Variants in GET4 observed in about 807,000 individuals in gnomAD.
GET4 encodes the protein guided entry of tail-anchored proteins factor 4, also known as Golgi to ER traffic protein 4 homolog.
In GET4, 20 loss-of-function variants were observed where a neutral mutation model predicts 40.0. The observed-to-expected ratio is 0.50, with a 90% CI of 0.35 to 0.73. The LOEUF (loss-of-function observed/expected upper bound fraction) is 0.73, where lower values mean the gene tolerates loss of function less well. GET4 is among the 30% of genes least tolerant of loss of function. GET4 has a pLI of 0.01. For synonymous variants in GET4, 280 were observed against 194.6 expected, an observed-to-expected ratio of 1.44 and a Z score of -3.65; for missense variants, 557 against 454.0, an observed-to-expected ratio of 1.23 and a Z score of -2.06.
intron 6 of GET4, among the ~76,000 whole-genome samples, chr7:892,853 G>A (rs1844359956): frequency 6.6e-6 from 1 of 151,606 alleles, no homozygotes; most frequent in South Asian, 2.1e-4. Flanking sequence ...GGTGTGGGTA[G>A]TTGGGGTGCG....
chr7:878,053 G>A (rs888170872), intron 1 of GET4: 1 of 317,004 alleles, frequency 3.2e-6, no homozygotes, highest in Admixed American at 3.9e-5. Context: ...CGAGGGTCCA[G>A]GCTGAGGGTG....
At position 893,964 on chromosome 7, in the gene GET4, C is replaced by CCT; in HGVS notation, c.889_890dup (p.Leu298CysfsTer6). On this transcript the variant is annotated frameshift_variant, in exon 8 of 9. Coordinates refer to ENST00000265857, the MANE Select transcript of GET4 (RefSeq NM_015949.3). LOFTEE classifies it high-confidence loss of function. ...CCAAGCAGACGTCTTCCTACGGGGG[C>CCT]CTGCTCGGTAAGCCGGGGCGCCCTT... The CCT allele has an allele frequency of 6.3e-7, 1 of 1,595,708 alleles. No homozygotes were observed. The highest frequency in any genetic ancestry group is 8.6e-7 in the Non-Finnish European group (1 of 1,169,206).
At chr7:880,450 C>T (rs1844061678) in intron 1 of GET4, 1 of 152,246 alleles carries the variant, frequency 6.6e-6, no homozygotes, top group Non-Finnish European at 1.5e-5. Context: ...AGGGATTTGT[C>T]AGTTTTGGTT....
intron 8 of GET4, among the ~76,000 whole-genome samples, chr7:894,194 C>T (rs1372347591): frequency 6.6e-6 from 1 of 151,686 alleles, no homozygotes; most frequent in Non-Finnish European, 1.5e-5. Flanking sequence ...GCTCCCCATC[C>T]CTGAGGTGTC....
chr7:890,410 T>C lies in GET4; in HGVS notation c.467-518T>C, dbSNP rs1285699492. On this transcript the variant is annotated intron_variant, in intron 4 of 8. Transcript: ENST00000265857. ...GAGTGGAGGGAGTGTGAGCGGGTGT[T>C]AGGACGGGCCTGGGAGTGGAGGGAG... is the stretch of plus-strand genomic sequence containing the variant. Among the ~76,000 whole-genome samples, 24 of 91,528 alleles carry C rather than the reference T, an allele frequency of 2.6e-4. 3 individuals are homozygous for C. The highest frequency in any genetic ancestry group is 3.9e-4 in the African/African-American group (9 of 22,956). The allele number at this position is 91,528 out of a possible 152,430, so 60.0% of individuals were successfully genotyped here.
At chr7:886,401 G>A (rs754867686) in intron 2 of GET4, 168 bp from the exon 3 acceptor site, 23 of 631,872 alleles carry the variant, frequency 3.6e-5, no homozygotes, top group African/African-American at 1.1e-4. Flanking sequence ...TGTGATTCTC[G>A]GCCAGGAGCT....
At chr7:878,363 A>C (rs972275684) in intron 1 of GET4, 4 of 470,992 alleles carry the variant, frequency 8.5e-6, no homozygotes, top group Admixed American at 2.3e-5. Flanking sequence ...ATATCAGATT[A>C]TCTCTTATGG....
Position 895,441 on chromosome 7 carries a change from A to C in GET4, c.*19A>C. ...GGACTGAACTGGCCAGGCCACGTGG[A>C]GACACCACGGTCGACGACGGCTGGA... is the stretch of plus-strand genomic sequence containing the variant. On this transcript the variant is annotated 3_prime_UTR_variant, in exon 9 of 9. Coordinates refer to ENST00000265857, the MANE Select transcript of GET4 (RefSeq NM_015949.3). The C allele has an allele frequency of 2.9e-6, 4 of 1,372,706 alleles. No individual in the cohort carries two copies. Among genetic ancestry groups the C allele is most frequent in the Non-Finnish European group, 4.1e-6 (4 of 967,454 alleles). The allele number at this position is 1,372,706 out of a possible 1,614,324, so 85.0% of individuals were successfully genotyped here.
At chr7:877,234 T>A (rs1406893864) in intron 1 of GET4, among the ~76,000 whole-genome samples, 2 of 149,122 alleles carry the variant, frequency 1.3e-5, no homozygotes, top group South Asian at 4.3e-4. Flanking sequence ...GCCTTCTCCT[T>A]CTTCCTTTGC....
chr7:879,191 C>G (rs1401710792), intron 1 of GET4, among the ~76,000 whole-genome samples: 3 of 152,240 alleles, frequency 2.0e-5, no homozygotes, highest in Admixed American at 6.5e-5. Context: ...TTGTAGTTTG[C>G]TAGTTCATGT....
At chr7:883,424 C>A (rs1040620909) in intron 1 of GET4, 12 of 735,122 alleles carry the variant, frequency 1.6e-5, no homozygotes, top group Non-Finnish European at 2.0e-5. Flanking sequence ...TTGACACCGA[C>A]AGTCTCGGCC....
At chr7:883,471 T>G in intron 1 of GET4, 2 of 980,424 alleles carry the variant, frequency 2.0e-6, no homozygotes, top group Non-Finnish European at 2.4e-6. Context: ...GTTCTGCTTT[T>G]TAATGTTTTT....
At chr7:881,542 T>A (rs1440394251) in intron 1 of GET4, 2 of 152,248 alleles carry the variant, frequency 1.3e-5, no homozygotes, top group African/African-American at 4.8e-5. Context: ...TCCCTGTGTG[T>A]CTCCAGCACA....
intron 1 of GET4, chr7:882,253 C>G (rs139399495): frequency 3.3e-5 from 5 of 152,350 alleles, no homozygotes; most frequent in East Asian, 3.9e-4. Flanking sequence ...TGCCAGACTG[C>G]TTTCCAGGAT....
chr7:888,182 C>T (rs1480143475), intron 4 of GET4, among the ~76,000 whole-genome samples: 1 of 152,140 alleles, frequency 6.6e-6, no homozygotes, highest in Non-Finnish European at 1.5e-5. Context: ...GGAGGCGGCA[C>T]CCAGGGCAGC....
At chr7:888,257 T>C (rs1168227462) in intron 4 of GET4, among the ~76,000 whole-genome samples, 1 of 152,212 alleles carries the variant, frequency 6.6e-6, no homozygotes. Context: ...AGTTCCGGAT[T>C]GCTGAGCTTG....
intron 6 of GET4, among the ~76,000 whole-genome samples, chr7:893,269 G>A (rs1333504071): frequency 3.1e-5 from 4 of 128,612 alleles, no homozygotes; most frequent in Admixed American, 7.9e-5. Context: ...GCGCGGGCGC[G>A]GTGGTGTGTG....
chr7:888,165 C>T (rs992566633), intron 4 of GET4, among the ~76,000 whole-genome samples: 2 of 152,090 alleles, frequency 1.3e-5, no homozygotes, highest in African/African-American at 4.8e-5. Flanking sequence ...CTGGGCTTGG[C>T]AGGTGGGGAG....
At chr7:891,156 C>T (rs1433914761) in intron 5 of GET4, 90 bp downstream of exon 5, 33 of 1,024,540 alleles carry the variant, frequency 3.2e-5, no homozygotes, top group South Asian at 2.9e-4. Context: ...CTGTCCGAGC[C>T]GAGCTGCAGG....
Sources: gnomAD v4.1 joint callset for allele counts (sites outside exome capture counted in the v4.1 genomes callset) on GRCh38, gnomAD v4.1.1 for gene constraint, MANE v1.5 for transcripts, NCBI Gene and HGNC (gene_info 2026-07-23, HGNC 2026-07-21) for gene names.